PIK3C2B: variants seen among roughly 807,000 people sequenced by gnomAD.
The protein encoded by PIK3C2B is phosphatidylinositol 4-phosphate 3-kinase C2 domain-containing subunit beta.
Under a neutral mutation model 184.3 loss-of-function variants are expected in PIK3C2B, and 83 were observed. That is an observed-to-expected ratio of 0.45 (90% CI 0.38 to 0.54). The LOEUF (loss-of-function observed/expected upper bound fraction) is 0.54. PIK3C2B is among the 20% of genes least tolerant of loss of function. The pLI is 0.00. For missense variants in PIK3C2B, 1,736 were observed against 2,113.5 expected (o/e 0.82, Z 3.50); for synonymous variants, 779 against 837.6 (o/e 0.93, Z 1.21).
At chr1:204,462,245 C>T (rs1655393927) in intron 5 of PIK3C2B, among the ~76,000 whole-genome samples, 1 of 152,174 alleles carries the variant, frequency 6.6e-6, no homozygotes, top group African/African-American at 2.4e-5. Context: ...CTTGACAGCT[C>T]CCACTACCTC....
At chr1:204,446,620 C>G (rs1301390440) in intron 15 of PIK3C2B, among the ~76,000 whole-genome samples, 1 of 151,684 alleles carries the variant, frequency 6.6e-6, no homozygotes, top group Non-Finnish European at 1.5e-5. Flanking sequence ...CCTGGGGCCT[C>G]CAGGGACCAG....
intron 12 of PIK3C2B, among the ~76,000 whole-genome samples, chr1:204,451,222 G>A (rs1355347260): frequency 6.6e-6 from 1 of 152,238 alleles, no homozygotes; most frequent in Non-Finnish European, 1.5e-5. Context: ...TCCCTGGACC[G>A]CTACAGTGGG....
chr1:204,440,440 C>T, intron 21 of PIK3C2B, 119 bp from the exon 22 acceptor site: 3 of 1,018,602 alleles, frequency 2.9e-6, no homozygotes, highest in Non-Finnish European at 4.2e-6. Flanking sequence ...CAGCCTCACA[C>T]CCCTGACCTG....
In PIK3C2B at chr1:204,443,470, C is replaced by A. The variant is rs375506288; in HGVS notation, c.2995G>T (p.Ala999Ser). 3.8e-5 allele frequency: 62 copies of A among 1,614,112 alleles called. No individual in the cohort carries two copies. The highest frequency in any genetic ancestry group is 5.1e-5 in the Non-Finnish European group (60 of 1,180,054). Reference protein sequence around the residue: ...EFNRQCWLVNALAKLAQQVRE... With the variant: ...EFNRQCWLVNSLAKLAQQVRE... ...ACCTGCTGGGCCAGTTTGGCCAGGG[C>A]ATTGACAAGCCAGCACTGGCGGTTA... Residue 999 changes from alanine (A) to serine (S), a missense_variant, in exon 19 of 33, where the codon GCC becomes TCC. By Grantham distance (99) the Ala-to-Ser change is moderately conservative. Around this residue, in one of 8 missense-constraint regions of PIK3C2B, gnomAD observed 289 missense variants for 380.4 expected, o/e 0.76. Transcript: ENST00000684373.
At chr1:204,440,891 G>A (rs1236020959) in intron 21 of PIK3C2B, among the ~76,000 whole-genome samples, 1 of 151,466 alleles carries the variant, frequency 6.6e-6, no homozygotes, top group Admixed American at 6.6e-5. Context: ...GGGATTATAG[G>A]CATGAGGCAC....
At chr1:204,446,426 T>C (rs1470645906) in intron 15 of PIK3C2B, among the ~76,000 whole-genome samples, 1 of 152,208 alleles carries the variant, frequency 6.6e-6, no homozygotes, top group African/African-American at 2.4e-5. Flanking sequence ...GAATCAAAGT[T>C]TGGGAACCAG....
chr1:204,427,518 T>C, intron 31 of PIK3C2B, 130 bp downstream of exon 31: 2 of 655,394 alleles, frequency 3.1e-6, no homozygotes, highest in Non-Finnish European at 5.5e-6. Flanking sequence ...GCTATGGTTA[T>C]AGGTCCATGG....
intron 1 of PIK3C2B, among the ~76,000 whole-genome samples, chr1:204,491,240 T>A (rs2103543673): frequency 6.6e-6 from 1 of 151,620 alleles, no homozygotes; most frequent in East Asian, 1.9e-4. Context: ...ATACAAAAAA[T>A]TAGCCAGGCA....
At chr1:204,425,769 G>A (rs749157992) in intron 31 of PIK3C2B, 28 bp from the exon 32 acceptor site, 14 of 1,606,816 alleles carry the variant, frequency 8.7e-6, no homozygotes, top group Non-Finnish European at 1.1e-5. Flanking sequence ...CCAAAAAAAT[G>A]TTAAGATTTT....
At position 204,423,228 on chromosome 1, in the gene PIK3C2B, T is replaced by A. The variant is rs2103458630; in HGVS notation, c.*1624A>T. On this transcript the variant is annotated 3_prime_UTR_variant, in exon 33 of 33. Transcript: ENST00000684373. The stretch of plus-strand genomic sequence containing the variant: ...ACTTTGGGAGGCCAAGGCAGGCAGA[T>A]CACGAGGTCAAGAGATCGAGACCAT... 1 of 152,332 alleles carries A rather than the reference T, an allele frequency of 6.6e-6. No homozygotes were observed. The highest frequency in any genetic ancestry group is 2.1e-4 in the South Asian group (1 of 4,818). The allele number at this position is 152,332 out of a possible 1,614,324, so 9.4% of individuals were successfully genotyped here.
At chr1:204,449,424 C>A (rs1315222525) in intron 13 of PIK3C2B, 128 bp from the exon 14 acceptor site, 2 of 709,486 alleles carry the variant, frequency 2.8e-6, no homozygotes, top group Non-Finnish European at 4.9e-6. Flanking sequence ...TCATTCTCAC[C>A]GTGGACCATA....
At chr1:204,463,965 A>C (rs2271415) in intron 5 of PIK3C2B, 47 bp downstream of exon 5, 1,229,353 of 1,598,580 alleles carry the variant, frequency 0.77, 485,507 homozygotes, top group Non-Finnish European at 0.82. Flanking sequence ...CCCCCTCACA[A>C]TCTTACTACC....
At chr1:204,463,146 T>C (rs1655469156) in intron 5 of PIK3C2B, among the ~76,000 whole-genome samples, 1 of 152,198 alleles carries the variant, frequency 6.6e-6, no homozygotes, top group Admixed American at 6.5e-5. Flanking sequence ...TCCTTGCATC[T>C]AGACCTGAAT....
chr1:204,432,505 A>C (rs879856625), intron 26 of PIK3C2B, 104 bp from the exon 27 acceptor site: 1 of 829,408 alleles, frequency 1.2e-6, no homozygotes, highest in Non-Finnish European at 2.0e-6. Flanking sequence ...ACTAACAATC[A>C]GCTCAGATCA....
chr1:204,424,260 G>C lies in PIK3C2B; in HGVS notation c.*592C>G, dbSNP rs1371916528. The C allele has an allele frequency of 5.4e-6, 1 of 185,376 alleles. No homozygotes were observed. The highest frequency in any genetic ancestry group is 9.8e-5 in the South Asian group (1 of 10,256). 11.5% of individuals were successfully genotyped at this position (185,376 alleles called of 1,614,324 possible). A position where few individuals can be genotyped will look rare whatever the true frequency, so the allele number is the denominator to read the frequency against. On this transcript the variant is annotated 3_prime_UTR_variant, in exon 33 of 33. Coordinates refer to ENST00000684373, the MANE Select transcript of PIK3C2B (RefSeq NM_001377334.1). ...ACCCTCCCCAACCTGTCCTTAGAGA[G>C]GGCTCTGGCCGAGGACCCACTGGGC...
chr1:204,456,195 C>A, intron 10 of PIK3C2B, 144 bp from the exon 11 acceptor site: 1 of 537,836 alleles, frequency 1.9e-6, no homozygotes, highest in Non-Finnish European at 3.2e-6. Flanking sequence ...CAAAGTTCAC[C>A]CATCTGCGGT....
intron 29 of PIK3C2B, among the ~76,000 whole-genome samples, chr1:204,429,208 A>G (rs1284058594): frequency 6.6e-6 from 1 of 152,220 alleles, no homozygotes; most frequent in African/African-American, 2.4e-5. Context: ...AGACTGAATG[A>G]CAGGGCAAGA....
Position 204,460,304 on chromosome 1 carries a change from A to T in PIK3C2B, c.1502+20T>A. On this transcript the variant is annotated intron_variant, in intron 7 of 32. Transcript: ENST00000684373. ...CACAGTTCTTGTTTGGAGCACATCC[A>T]AGATGGTGCCCACACTCACCTGCTG... 1 of 1,590,862 alleles carries T rather than the reference A, an allele frequency of 6.3e-7. No individual in the cohort carries two copies. The highest frequency in any genetic ancestry group is 8.6e-7 in the Non-Finnish European group (1 of 1,158,940).
rs775921895 is a variant in PIK3C2B at position 204,469,484 on chromosome 1, T to C, written c.319A>G (p.Thr107Ala). The change falls in exon 2 of 33, where the codon ACC (threonine) becomes GCC (alanine). Residue 107 changes from threonine (T) to alanine (A), a missense_variant. Thr to Ala is a moderately conservative substitution (Grantham distance 58). This residue lies in a region of PIK3C2B where 404 missense variants were observed against 418.0 expected (regional missense o/e 0.97). Transcript: ENST00000684373. ...SPQEGPPNHSTSQGPQPGSDP... is the reference protein window; with the variant it reads ...SPQEGPPNHSASQGPQPGSDP... ...GAGCCAGGCTGTGGCCCTTGGGAGGTAGAGTGGTTGGGCGGCCCTTCCTGT... is the reference window on the plus strand; with the variant it reads ...GAGCCAGGCTGTGGCCCTTGGGAGGCAGAGTGGTTGGGCGGCCCTTCCTGT... 2.5e-6 allele frequency: 4 copies of C among 1,605,700 alleles called. No individual in the cohort carries two copies. The highest frequency in any genetic ancestry group is 3.4e-6 in the Non-Finnish European group (4 of 1,176,000).
Sources: allele counts gnomAD v4.1 joint callset (sites outside exome capture counted in the v4.1 genomes callset), GRCh38; gene constraint gnomAD v4.1.1; regional missense constraint gnomAD v4.1.1; transcripts MANE v1.5; gene names NCBI Gene and HGNC (gene_info 2026-07-23, HGNC 2026-07-21).